Variants in ADAMTS14 observed in about 807,000 individuals in gnomAD.
ADAMTS14 encodes ADAM metallopeptidase with thrombospondin type 1 motif 14, also known as A disintegrin and metalloproteinase with thrombospondin motifs 14.
In ADAMTS14, 100 loss-of-function variants were observed where a neutral mutation model predicts 128.6. That is an observed-to-expected ratio of 0.78 (90% confidence interval 0.66 to 0.92). ADAMTS14 has a LOEUF of 0.92. Among genes scored for constraint, ADAMTS14 ranks in the 40% least tolerant of loss-of-function variants. The probability of loss-of-function intolerance (pLI) is 0.00; values close to 1 mark genes in which losing one functional copy is unlikely to be tolerated. For synonymous variants in ADAMTS14, 665 were observed against 653.8 expected, an observed-to-expected ratio of 1.02 and a Z score of -0.26; for missense variants, 1,562 against 1,658.6, an observed-to-expected ratio of 0.94 and a Z score of 1.01.
rs776003530 is a variant in ADAMTS14 at position 70,758,028 on chromosome 10, C to G, written c.3004C>G (p.Leu1002Val). ...QVVCRTNANS[L>V]GHCEGDRPDT... ...GGTGTGCAGGACCAACGCCAACAGC[C>G]TCGGGCATTGCGAGGGGGATAGGCC... The change falls in exon 20 of 22, where the codon CTC (leucine) becomes GTC (valine). Residue 1002 changes from leucine (L) to valine (V), a missense_variant. Coordinates refer to ENST00000373207, the MANE Select transcript of ADAMTS14 (RefSeq NM_080722.4). The G allele has an allele frequency of 1.9e-6, 3 of 1,613,718 alleles. No homozygotes were observed. The South Asian group carries it at 3.3e-5, about 18-fold the overall frequency.
chr10:70,675,388 A>G (rs190224654), intron 2 of ADAMTS14, among the ~76,000 whole-genome samples: 14 of 152,262 alleles, frequency 9.2e-5, no homozygotes, highest in African/African-American at 3.4e-4. Flanking sequence ...CTGGGGGTAC[A>G]GTGGTGCCTG....
chr10:70,693,715 A>G (rs1840254286), intron 2 of ADAMTS14, among the ~76,000 whole-genome samples: 1 of 152,152 alleles, frequency 6.6e-6, no homozygotes, highest in Admixed American at 6.5e-5. Context: ...CTTTTGCTGT[A>G]AATGCACTGG....
intron 2 of ADAMTS14, among the ~76,000 whole-genome samples, chr10:70,701,495 G>A (rs994682397): frequency 3.3e-5 from 5 of 152,204 alleles, no homozygotes; most frequent in South Asian, 2.1e-4. Flanking sequence ...GTGTGTGTGC[G>A]TGTGTGTGTA....
At chr10:70,728,122 C>T (rs1264024573) in intron 4 of ADAMTS14, among the ~76,000 whole-genome samples, 9 of 151,920 alleles carry the variant, frequency 5.9e-5, no homozygotes, top group Admixed American at 5.9e-4. Context: ...ATCTTGGCCT[C>T]AAGTGAGCCT....
intron 3 of ADAMTS14, among the ~76,000 whole-genome samples, chr10:70,702,760 C>G (rs11815102): frequency 0.016 from 2,445 of 152,236 alleles, 66 homozygotes; most frequent in African/African-American, 0.056. Context: ...ATTTCTGAGG[C>G]AAGGCAGAAG....
At chr10:70,704,401 T>C (rs1840588243) in intron 3 of ADAMTS14, among the ~76,000 whole-genome samples, 2 of 150,782 alleles carry the variant, frequency 1.3e-5, no homozygotes, top group Non-Finnish European at 3.0e-5. Context: ...CACAGACCCA[T>C]ATACCCGCAC....
Position 70,708,745 on chromosome 10 carries a change from T to C in ADAMTS14, c.837T>C (p.His279=), listed in dbSNP as rs756644547. 3.1e-6 allele frequency: 5 copies of C among 1,605,064 alleles called. No individual in the cohort carries two copies. In the South Asian group the frequency reaches 4.4e-5, roughly 14 times the overall value. The part of the protein sequence containing the change: ...DSVVRFHGKE[H]VQNYVLTLMN... The stretch of plus-strand genomic sequence containing the variant: ...TGGTTCGCTTCCATGGCAAGGAGCA[T>C]GTGCAGAACTATGTCCTCACCCTCA... Residue 279 remains histidine, a synonymous_variant, in exon 4 of 22, where the codon CAT becomes CAC. Coordinates refer to ENST00000373207, the MANE Select transcript of ADAMTS14 (RefSeq NM_080722.4).
rs770098551 is a variant in ADAMTS14 at position 70,730,085 on chromosome 10, T to C, written c.955-17T>C. ...TGACCCTCCACGTGGCTGTTGGTGCTCTCCCGGCCCCTGCAGTCCCTGAGC... is the reference window on the plus strand; with the variant it reads ...TGACCCTCCACGTGGCTGTTGGTGCCCTCCCGGCCCCTGCAGTCCCTGAGC... On this transcript the variant is annotated splice_polypyrimidine_tract_variant and intron_variant, in intron 5 of 21. Transcript: ENST00000373207. The C allele has an allele frequency of 8.3e-6, 13 of 1,570,332 alleles. No homozygotes were observed. Among genetic ancestry groups the C allele is most frequent in the South Asian group, 6.8e-5 (6 of 88,180 alleles).
chr10:70,740,424 T>A (rs1328441741), intron 11 of ADAMTS14, among the ~76,000 whole-genome samples: 1 of 152,298 alleles, frequency 6.6e-6, no homozygotes, highest in East Asian at 1.9e-4. Flanking sequence ...ATAAGAGGGA[T>A]TATAGTCCCT....
rs1296294480 is a variant in ADAMTS14 at position 70,708,640 on chromosome 10, G to A, written c.732G>A (p.Leu244=). ...TGCTGGGCCTGGTGGGGGACCAGCT[G>A]GGCGACACAGAGCGGAAGCGGCGGC... The part of the protein sequence containing the change: ...PNLLGLVGDQ[L]GDTERKRRHA... The change falls in exon 4 of 22, where the codon CTG becomes CTA. Residue 244 remains leucine (L), a synonymous_variant. Transcript: ENST00000373207. 2 of 1,612,974 alleles carry A rather than the reference G, an allele frequency of 1.2e-6. No individual in the cohort carries two copies. The highest frequency in any genetic ancestry group is 2.2e-5 in the South Asian group (2 of 91,034).
Position 70,744,134 on chromosome 10 carries a change from C to T in ADAMTS14, c.2127C>T (p.Asp709=), listed in dbSNP as rs765742331. ...ACAAGTGTGGAGTCTGCGGGGGTGA[C>T]AACTCCCACTGCAGGACTGTGAAGG... is the stretch of plus-strand genomic sequence containing the variant. The part of the protein sequence containing the change: ...ADDKCGVCGG[D]NSHCRTVKGT... The change falls in exon 14 of 22, where the codon GAC becomes GAT. Residue 709 remains aspartate (D), a synonymous_variant. Coordinates refer to ENST00000373207, the MANE Select transcript of ADAMTS14 (RefSeq NM_080722.4). The T allele has an allele frequency of 1.9e-6, 3 of 1,559,744 alleles. No homozygotes were observed. The African/African-American group carries it at 4.1e-5, about 21-fold the overall frequency.
At chr10:70,738,392 T>A (rs1841890301) in intron 10 of ADAMTS14, among the ~76,000 whole-genome samples, 1 of 152,184 alleles carries the variant, frequency 6.6e-6, no homozygotes, top group Non-Finnish European at 1.5e-5. Context: ...TTCCACTGCA[T>A]GCACAGACCT....
At chr10:70,688,160 C>T (rs1284801999) in intron 2 of ADAMTS14, among the ~76,000 whole-genome samples, 1 of 49,906 alleles carries the variant, frequency 2.0e-5, no homozygotes, top group Non-Finnish European at 4.1e-5. Context: ...ATGGGGCGGC[C>T]GGGCAGAGAC....
chr10:70,717,757 A>G (rs958104145), intron 4 of ADAMTS14, among the ~76,000 whole-genome samples: 6 of 152,194 alleles, frequency 3.9e-5, no homozygotes, highest in Admixed American at 3.3e-4. Context: ...AGAAGCTTCC[A>G]GTCTGTTTCC....
intron 2 of ADAMTS14, among the ~76,000 whole-genome samples, chr10:70,701,523 G>A (rs375366603): frequency 6.6e-6 from 1 of 152,338 alleles, no homozygotes; most frequent in East Asian, 1.9e-4. Flanking sequence ...GTGTGCATAT[G>A]CAGACACACA....
chr10:70,725,435 T>C (rs10999488), intron 4 of ADAMTS14, among the ~76,000 whole-genome samples: 7,224 of 152,248 alleles, frequency 0.047, 579 homozygotes, highest in African/African-American at 0.16. Context: ...GTGAGTAGCA[T>C]AGAAACAACA....
Position 70,674,697 on chromosome 10 carries a change from CA to C in ADAMTS14, c.225del (p.Leu76TyrfsTer53). 1 of 1,613,634 alleles carries C rather than the reference CA, an allele frequency of 6.2e-7. No homozygotes were observed. Among genetic ancestry groups the C allele is most frequent in the Admixed American group, 1.7e-5 (1 of 60,028 alleles). On this transcript the variant is annotated frameshift_variant, in exon 2 of 22. Coordinates refer to ENST00000373207, the MANE Select transcript of ADAMTS14 (RefSeq NM_080722.4). LOFTEE classifies it high-confidence loss of function. Reference protein sequence around the residue: ...AGSMVVDTPPTLPRHSSHLRV... With the variant: ...AGSMVVDTPPXLPRHSSHLRV... ...AGCATGGTAGTGGACACGCCACCCA[CA>C]CTACCACGACACTCCAGTCACCTCC...
At chr10:70,738,101 G>A (rs1014328709) in intron 10 of ADAMTS14, among the ~76,000 whole-genome samples, 3 of 151,868 alleles carry the variant, frequency 2.0e-5, no homozygotes, top group African/African-American at 7.3e-5. Context: ...CTCCCCAGGT[G>A]ATTCCAAGGT....
intron 10 of ADAMTS14, among the ~76,000 whole-genome samples, chr10:70,737,776 C>A (rs1001748326): frequency 6.6e-6 from 1 of 152,184 alleles, no homozygotes; most frequent in African/African-American, 2.4e-5. Context: ...CGAGACAGTT[C>A]ATCAGTGGTT....
Sources: gnomAD v4.1 joint callset for allele counts (sites outside exome capture counted in the v4.1 genomes callset) on GRCh38, gnomAD v4.1.1 for gene constraint, MANE v1.5 for transcripts, NCBI Gene and HGNC (gene_info 2026-07-23, HGNC 2026-07-21) for gene names.